The following ESYT3 variants were observed in gnomAD, a reference collection of about 807,000 sequenced individuals.
ESYT3 encodes extended synaptotagmin 3.
In ESYT3, 101 loss-of-function variants were observed where a neutral mutation model predicts 111.5. The observed-to-expected ratio is 0.91, with a 90% confidence interval of 0.77 to 1.07. ESYT3 has a LOEUF of 1.07. ESYT3 is among the 50% of genes least tolerant of loss of function. The probability of loss-of-function intolerance (pLI) is 0.00; values close to 1 mark genes in which losing one functional copy is unlikely to be tolerated. For synonymous variants in ESYT3, 416 were observed against 446.8 expected (o/e 0.93, Z 0.87); for missense variants, 1,097 against 1,109.4 (o/e 0.99, Z 0.16).
intron 2 of ESYT3, 80 bp downstream of exon 2, chr3:138,452,169 A>G (rs974398146): frequency 2.2e-6 from 3 of 1,389,406 alleles, no homozygotes; most frequent in Admixed American, 1.9e-5. Flanking sequence ...CCACAGCCTG[A>G]TGGGGGCCTC....
intron 17 of ESYT3, among the ~76,000 whole-genome samples, chr3:138,471,343 T>G (rs1381813801): frequency 6.6e-6 from 1 of 152,236 alleles, no homozygotes; most frequent in African/African-American, 2.4e-5. Flanking sequence ...GGTGGTACAT[T>G]CTAATTCTCT....
intron 15 of ESYT3, 103 bp downstream of exon 15, chr3:138,469,607 A>C (rs191136390): frequency 1.2e-6 from 1 of 854,438 alleles, no homozygotes; most frequent in Non-Finnish European, 1.9e-6. Flanking sequence ...GTGAATGCCT[A>C]GTAGGCACTT....
intron 1 of ESYT3, among the ~76,000 whole-genome samples, chr3:138,449,462 C>T (rs145801045): frequency 5.9e-5 from 9 of 152,240 alleles, no homozygotes; most frequent in African/African-American, 2.2e-4. Context: ...CCAACCCTGA[C>T]TGAACTCCAA....
intron 22 of ESYT3, 79 bp from the exon 23 acceptor site, chr3:138,476,739 G>A: frequency 7.2e-7 from 1 of 1,398,516 alleles, no homozygotes; most frequent in Non-Finnish European, 1.0e-6. Flanking sequence ...GGCCCAGGCA[G>A]GCAGGACTAG....
chr3:138,451,141 G>T (rs2031898041), intron 1 of ESYT3, among the ~76,000 whole-genome samples: 1 of 152,246 alleles, frequency 6.6e-6, no homozygotes, highest in South Asian at 2.1e-4. Flanking sequence ...GCACAGGTCA[G>T]CCAACAGGAC....
chr3:138,452,524 G>C (rs974350644), intron 2 of ESYT3, among the ~76,000 whole-genome samples: 3 of 152,200 alleles, frequency 2.0e-5, no homozygotes, highest in Non-Finnish European at 4.4e-5. Context: ...TAGAGTCCTT[G>C]CCCTGGCTCG....
chr3:138,462,275 A>G, intron 8 of ESYT3, 69 bp downstream of exon 8: 1 of 1,603,884 alleles, frequency 6.2e-7, no homozygotes, highest in South Asian at 1.1e-5. Context: ...CAGCCTTCAC[A>G]TGTGGTGCAT....
At chr3:138,476,126 A>G (rs2033469165) in intron 20 of ESYT3, 97 bp from the exon 21 acceptor site, 2 of 782,272 alleles carry the variant, frequency 2.6e-6, no homozygotes, top group East Asian at 2.4e-5. Flanking sequence ...AATAGTCTGT[A>G]CCTTTCTGTT....
intron 17 of ESYT3, 119 bp downstream of exon 17, chr3:138,471,145 A>G: frequency 1.3e-6 from 1 of 783,616 alleles, no homozygotes; most frequent in Non-Finnish European, 2.1e-6. Flanking sequence ...AGATGGATTC[A>G]TGTTTTTCAT....
chr3:138,469,645 C>G, intron 15 of ESYT3, 141 bp downstream of exon 15: 1 of 644,414 alleles, frequency 1.6e-6, no homozygotes, highest in South Asian at 1.9e-5. Flanking sequence ...AGAATAACCT[C>G]ACAAAATAGT....
rs1256942289 is a variant in ESYT3, at chr3:138,470,199, C to T, written c.1590+53C>T. ...AGAGTTAAGAGGTTTTTAAGCCAGG[C>T]GGGCTGGGAAGCTTGAAGTGCACCT... On this transcript the variant is annotated intron_variant, in intron 16 of 22. Coordinates refer to ENST00000389567, the MANE Select transcript of ESYT3 (RefSeq NM_031913.5). 2.0e-5 allele frequency: 32 copies of T among 1,574,340 alleles called. No homozygotes were observed. In the East Asian group the frequency reaches 2.6e-4, roughly 13 times the overall value.
rs1241829498 is a variant in ESYT3 at position 138,472,493 on chromosome 3, CTA to C, written c.1872_1873del (p.Thr625ArgfsTer11). Reference sequence around the variant, plus strand: ...AAAGCCCAACCTCAGGAAGAAGGCCCTACAGATTTGCCATGTCCCCCAGACCC... The same window carrying C: ...AAAGCCCAACCTCAGGAAGAAGGCCCCAGATTTGCCATGTCCCCCAGACCC... On this transcript the variant is annotated frameshift_variant, in exon 18 of 23. Coordinates refer to ENST00000389567, the MANE Select transcript of ESYT3 (RefSeq NM_031913.5). LOFTEE classifies it high-confidence loss of function. 1 of 1,614,104 alleles carries C rather than the reference CTA, an allele frequency of 6.2e-7. No homozygotes were observed. Among genetic ancestry groups the C allele is most frequent in the Non-Finnish European group, 8.5e-7 (1 of 1,180,048 alleles).
intron 17 of ESYT3, 118 bp from the exon 18 acceptor site, chr3:138,472,245 G>A: frequency 3.7e-6 from 5 of 1,335,866 alleles, no homozygotes; most frequent in South Asian, 1.4e-5. Context: ...GGAAATGGAA[G>A]TTCCCTAGGA....
rs1401384470 is a variant in ESYT3 at position 138,478,521 on chromosome 3, A to G, written c.*1667A>G. The G allele has an allele frequency of 6.6e-6, 1 of 152,206 alleles. No individual in the cohort carries two copies. 9.4% of individuals were successfully genotyped at this position (152,206 alleles called of 1,614,324 possible). A position where few individuals can be genotyped will look rare whatever the true frequency, so the allele number is the denominator to read the frequency against. ...GGGAATGTATCATATGTACATCGAAACATTAGCAACCCTAAAACAGCTAAT... is the reference window on the plus strand; with the variant it reads ...GGGAATGTATCATATGTACATCGAAGCATTAGCAACCCTAAAACAGCTAAT... On this transcript the variant is annotated 3_prime_UTR_variant, in exon 23 of 23. Transcript: ENST00000389567.
At chr3:138,469,707 C>T (rs1015630894) in intron 15 of ESYT3, among the ~76,000 whole-genome samples, 8 of 152,194 alleles carry the variant, frequency 5.3e-5, no homozygotes, top group African/African-American at 1.7e-4. Flanking sequence ...ACCAAGGACA[C>T]AGAACTAGGG....
chr3:138,456,065 TGA>T (rs1479597173), intron 3 of ESYT3, among the ~76,000 whole-genome samples: 1 of 152,278 alleles, frequency 6.6e-6, no homozygotes, highest in East Asian at 1.9e-4. Context: ...GCCAGCCTGC[TGA>T]GAGAGCTGTC....
intron 1 of ESYT3, among the ~76,000 whole-genome samples, chr3:138,436,369 A>G (rs756742521): frequency 6.6e-5 from 10 of 152,186 alleles, no homozygotes; most frequent in Non-Finnish European, 1.2e-4. Flanking sequence ...GAAGGACATC[A>G]GTCATATTGG....
At chr3:138,453,444 A>G (rs1397748595) in intron 2 of ESYT3, among the ~76,000 whole-genome samples, 3 of 152,182 alleles carry the variant, frequency 2.0e-5, no homozygotes, top group Non-Finnish European at 4.4e-5. Context: ...GCAAGACAGG[A>G]AGATGAGACC....
At chr3:138,457,252 C>T (rs368549485) in intron 3 of ESYT3, among the ~76,000 whole-genome samples, 1 of 152,242 alleles carries the variant, frequency 6.6e-6, no homozygotes, top group African/African-American at 2.4e-5. Context: ...GACTTGACTT[C>T]TGTAAGCTCC....
Sources: allele counts gnomAD v4.1 joint callset (sites outside exome capture counted in the v4.1 genomes callset), GRCh38; gene constraint gnomAD v4.1.1; transcripts MANE v1.5; gene names NCBI Gene and HGNC (gene_info 2026-07-23, HGNC 2026-07-21).